GTF2I: variants seen among roughly 807,000 people sequenced by gnomAD.
GTF2I encodes the protein general transcription factor II-I.
A neutral mutation model predicts 67.6 loss-of-function variants in GTF2I; 12 were observed. The ratio of observed to expected loss-of-function variants is 0.18; its 90% CI spans 0.11 to 0.29. The LOEUF (loss-of-function observed/expected upper bound fraction) is 0.29, where lower values mean the gene tolerates loss of function less well. Among genes scored for constraint, GTF2I ranks in the 10% least tolerant of loss-of-function variants. The pLI, the probability that GTF2I is intolerant of heterozygous loss-of-function variation, is 1.00. For missense variants in GTF2I, 271 were observed against 580.1 expected, an observed-to-expected ratio of 0.47 and a Z score of 5.47; for synonymous variants, 149 against 197.0, an observed-to-expected ratio of 0.76 and a Z score of 2.04.
At chr7:74,682,327 T>C (rs587737071) in intron 1 of GTF2I, among the ~76,000 whole-genome samples, 3 of 152,328 alleles carry the variant, frequency 2.0e-5, no homozygotes, top group African/African-American at 7.2e-5. Context: ...AACAAAACTT[T>C]TGTGAAAACA....
intron 1 of GTF2I, among the ~76,000 whole-genome samples, chr7:74,662,221 T>C (rs1804564286): frequency 7.0e-6 from 1 of 142,648 alleles, no homozygotes; most frequent in Admixed American, 6.9e-5. Context: ...TTTTTTTTTT[T>C]TTTTTTTTTT....
rs192538136 is a variant in GTF2I, at chr7:74,715,062, T to C, written c.823+146T>C. On this transcript the variant is annotated intron_variant, in intron 10 of 34. Coordinates refer to ENST00000573035, the MANE Select transcript of GTF2I (RefSeq NM_032999.4). ...AAAATGTATTGGCCTTTTTTTAACA[T>C]ATAAATGAACTTCACAAGCAACAAT... 4.7e-5 allele frequency: 22 copies of C among 472,824 alleles called. No homozygotes were observed. The East Asian group carries it at 7.5e-4, about 16-fold the overall frequency. 29.3% of individuals were successfully genotyped at this position (472,824 alleles called of 1,614,324 possible).
At chr7:74,662,588 T>G (rs191943996) in intron 1 of GTF2I, among the ~76,000 whole-genome samples, 1 of 136,074 alleles carries the variant, frequency 7.3e-6, no homozygotes, top group East Asian at 2.5e-4. Flanking sequence ...AGGTGCGTGG[T>G]CTCGGCTCAC....
intron 26 of GTF2I, among the ~76,000 whole-genome samples, chr7:74,750,360 A>C (rs1250390406): frequency 9.8e-6 from 1 of 102,058 alleles, no homozygotes; most frequent in Non-Finnish European, 2.2e-5. Flanking sequence ...CAGGAGAATC[A>C]CTTGAACCCA....
intron 3 of GTF2I, 93 bp downstream of exon 3, chr7:74,691,204 CTTTCT>C: frequency 5.3e-5 from 45 of 850,678 alleles, no homozygotes; most frequent in East Asian, 1.2e-4. Context: ...TTCTTTCTTT[CTTTCT>C]TTTTTTTTTT....
chr7:74,683,053 T>C (rs1174969676), intron 1 of GTF2I, among the ~76,000 whole-genome samples: 1 of 152,158 alleles, frequency 6.6e-6, no homozygotes, highest in African/African-American at 2.4e-5. Flanking sequence ...CATACATTAA[T>C]GTGAGTCCCA....
At chr7:74,695,419 A>C (rs1247770183) in intron 3 of GTF2I, among the ~76,000 whole-genome samples, 1 of 152,222 alleles carries the variant, frequency 6.6e-6, no homozygotes, top group Non-Finnish European at 1.5e-5. Flanking sequence ...TTGGGAAACC[A>C]AAACATCTGT....
At chr7:74,672,867 T>C (rs1805579019) in intron 1 of GTF2I, among the ~76,000 whole-genome samples, 1 of 152,166 alleles carries the variant, frequency 6.6e-6, no homozygotes, top group South Asian at 2.1e-4. Flanking sequence ...ACTGTTTTGT[T>C]TTTTTTCTTT....
chr7:74,706,440 A>G lies in GTF2I; in HGVS notation c.685+7A>G. On this transcript the variant is annotated splice_region_variant and intron_variant, in intron 8 of 34. Coordinates refer to ENST00000573035, the MANE Select transcript of GTF2I (RefSeq NM_032999.4). The stretch of plus-strand genomic sequence containing the variant: ...GAACCCACAGAAGATTCTGGTATGT[A>G]CTAGCACTTTTAGAATCAATGGTGA... 1.3e-6 allele frequency: 2 copies of G among 1,596,968 alleles called. No individual in the cohort carries two copies. Among genetic ancestry groups the G allele is most frequent in the South Asian group, 1.1e-5 (1 of 90,636 alleles).
intron 14 of GTF2I, among the ~76,000 whole-genome samples, chr7:74,731,567 G>C (rs77877695): frequency 3.4e-5 from 4 of 116,682 alleles, no homozygotes; most frequent in South Asian, 2.9e-4. Context: ...TTTTTTTTTT[G>C]AGATAGAGTT....
intron 1 of GTF2I, 198 bp from the exon 2 acceptor site, chr7:74,688,926 T>C: frequency 2.0e-6 from 1 of 496,640 alleles, no homozygotes; most frequent in South Asian, 3.1e-5. Context: ...GAAATAACAA[T>C]ATATAGAAAA....
chr7:74,699,147 T>A, intron 4 of GTF2I, 52 bp downstream of exon 4: 1 of 1,026,260 alleles, frequency 9.7e-7, no homozygotes, highest in Non-Finnish European at 1.4e-6. Context: ...TAATTGAATT[T>A]TCTAAAGGGA....
chr7:74,678,087 C>T (rs1562942805), intron 1 of GTF2I, among the ~76,000 whole-genome samples: 1 of 152,040 alleles, frequency 6.6e-6, no homozygotes, highest in Non-Finnish European at 1.5e-5. Flanking sequence ...CACGGGCTTA[C>T]TCTGTCACCC....
chr7:74,700,506 T>C, intron 5 of GTF2I, 76 bp downstream of exon 5: 1 of 1,593,618 alleles, frequency 6.3e-7, no homozygotes, highest in South Asian at 1.1e-5. Context: ...CGTTAATGTA[T>C]TTTTAAAATT....
intron 6 of GTF2I, among the ~76,000 whole-genome samples, chr7:74,702,155 C>T (rs1322368085): frequency 1.3e-5 from 2 of 151,876 alleles, no homozygotes; most frequent in African/African-American, 4.8e-5. Flanking sequence ...TTTGTCTGGA[C>T]ATATTCCTTG....
intron 1 of GTF2I, among the ~76,000 whole-genome samples, chr7:74,686,876 TTTTG>T (rs587737311): frequency 1.9e-3 from 289 of 151,862 alleles, no homozygotes; most frequent in African/African-American, 6.8e-3. Flanking sequence ...GGGATAAGTG[TTTTG>T]TTTGTTTTGT....
In GTF2I at chr7:74,725,209, T is replaced by C. The variant is rs1793601170; in HGVS notation, c.944-3577T>C. Among the ~76,000 whole-genome samples the C allele has an allele frequency of 2.0e-5, 3 of 152,154 alleles. No individual in the cohort carries two copies. The South Asian group carries it at 6.2e-4, about 32-fold the overall frequency. On this transcript the variant is annotated intron_variant, in intron 12 of 34. Transcript: ENST00000573035. ...TCGAGAAACCCATTTTTTTTCTTACTTTCTCAAAACCAATTAATTGCAACA... is the reference window on the plus strand; with the variant it reads ...TCGAGAAACCCATTTTTTTTCTTACCTTCTCAAAACCAATTAATTGCAACA...
At chr7:74,727,919 A>G (rs1794062693) in intron 12 of GTF2I, 1 of 152,234 alleles carries the variant, frequency 6.6e-6, no homozygotes, top group African/African-American at 2.4e-5. Context: ...CTTTATACAC[A>G]GCCTCTGTGC....
intron 1 of GTF2I, among the ~76,000 whole-genome samples, chr7:74,683,950 T>C (rs1213053389): frequency 1.3e-5 from 2 of 152,210 alleles, no homozygotes; most frequent in African/African-American, 4.8e-5. Flanking sequence ...TAATTTTTTT[T>C]TTCTTCCACG....
Sources: gnomAD v4.1 joint callset for allele counts (sites outside exome capture counted in the v4.1 genomes callset) on GRCh38, gnomAD v4.1.1 for gene constraint, MANE v1.5 for transcripts, NCBI Gene and HGNC (gene_info 2026-07-23, HGNC 2026-07-21) for gene names.